The following NCAM2 variants were observed in gnomAD, a reference collection of about 807,000 sequenced individuals.
NCAM2 encodes N-CAM-2.
Under a neutral mutation model 98.1 loss-of-function variants are expected in NCAM2, and 30 were observed. The observed-to-expected ratio is 0.31, with a 90% CI of 0.23 to 0.41. The LOEUF (loss-of-function observed/expected upper bound fraction) is 0.41, where lower values mean the gene tolerates loss of function less well. NCAM2 is among the 10% of genes least tolerant of loss of function. NCAM2 has a pLI of 1.00. For missense variants in NCAM2, 867 were observed against 1,005.8 expected (o/e 0.86, Z 1.87); for synonymous variants, 368 against 342.4 (o/e 1.07, Z -0.83).
chr21:21,290,768 T>G (rs2073260896), intron 4 of NCAM2, among the ~76,000 whole-genome samples: 1 of 151,740 alleles, frequency 6.6e-6, no homozygotes, highest in Non-Finnish European at 1.5e-5. Context: ...CCCTGATGAC[T>G]CTTCTATTTG....
At chr21:21,189,478 C>T (rs1351196221) in intron 1 of NCAM2, among the ~76,000 whole-genome samples, 2 of 152,070 alleles carry the variant, frequency 1.3e-5, no homozygotes, top group Non-Finnish European at 2.9e-5. Context: ...GTAATCCTAG[C>T]ACTTTGGGAG....
chr21:21,448,741 TCTGA>T (rs768620646), intron 12 of NCAM2, among the ~76,000 whole-genome samples: 24 of 152,042 alleles, frequency 1.6e-4, no homozygotes, highest in Non-Finnish European at 3.5e-4. Flanking sequence ...ATAAAATTCA[TCTGA>T]CTATGTTAAA....
At chr21:21,037,124 G>A (rs8133724) in intron 1 of NCAM2, among the ~76,000 whole-genome samples, 145,868 of 152,224 alleles carry the variant, frequency 0.96, 70,206 homozygotes, top group East Asian at 1. Context: ...TGGACTTCCC[G>A]GGCTCAATGA....
chr21:21,257,827 C>T (rs1046919254), intron 1 of NCAM2, among the ~76,000 whole-genome samples: 7 of 152,130 alleles, frequency 4.6e-5, no homozygotes, highest in Non-Finnish European at 7.4e-5. Flanking sequence ...GTGATCTGCC[C>T]GCCTCGGGCT....
chr21:21,486,279 G>A (rs1986364099), intron 15 of NCAM2, among the ~76,000 whole-genome samples: 2 of 134,560 alleles, frequency 1.5e-5, no homozygotes, highest in Non-Finnish European at 3.0e-5. Context: ...ACTCCAGCCT[G>A]GGCAACAGAG....
intron 9 of NCAM2, among the ~76,000 whole-genome samples, chr21:21,394,262 A>G (rs2076447442): frequency 6.6e-6 from 1 of 152,146 alleles, no homozygotes; most frequent in South Asian, 2.1e-4. Context: ...TTTTCTACAT[A>G]TGACAGAACA....
chr21:21,289,347 A>G (rs2073209755), intron 4 of NCAM2, among the ~76,000 whole-genome samples: 2 of 151,980 alleles, frequency 1.3e-5, no homozygotes, highest in South Asian at 4.1e-4. Flanking sequence ...ATAAATAGGT[A>G]AATCAGTGTG....
At chr21:21,524,779 TA>T (rs1262485769) in intron 16 of NCAM2, among the ~76,000 whole-genome samples, 2 of 152,100 alleles carry the variant, frequency 1.3e-5, no homozygotes, top group Non-Finnish European at 2.9e-5. Flanking sequence ...TGACACACTT[TA>T]AAACATTTTA....
chr21:20,998,951 TAAC>T (rs2063970020), intron 1 of NCAM2, among the ~76,000 whole-genome samples: 1 of 152,136 alleles, frequency 6.6e-6, no homozygotes, highest in South Asian at 2.1e-4. Context: ...ATGAGTGTGT[TAAC>T]AGTGAAATAT....
chr21:21,465,580 A>G (rs1393714863), intron 12 of NCAM2, among the ~76,000 whole-genome samples: 2 of 151,864 alleles, frequency 1.3e-5, no homozygotes, highest in Non-Finnish European at 2.9e-5. Flanking sequence ...AATATTAATA[A>G]ATTATATTAC....
At chr21:21,114,765 C>A (rs1344833811) in intron 1 of NCAM2, among the ~76,000 whole-genome samples, 1 of 152,120 alleles carries the variant, frequency 6.6e-6, no homozygotes, top group Non-Finnish European at 1.5e-5. Flanking sequence ...ATGAGTAATT[C>A]TGCTTTTATT....
intron 1 of NCAM2, chr21:21,226,847 G>A (rs1016215761): frequency 6.6e-6 from 1 of 152,042 alleles, no homozygotes; most frequent in East Asian, 1.9e-4. Context: ...CAACACAAGG[G>A]TACTTTAACA....
intron 1 of NCAM2, among the ~76,000 whole-genome samples, chr21:21,033,973 A>G (rs2064745127): frequency 6.6e-6 from 1 of 151,292 alleles, no homozygotes; most frequent in Non-Finnish European, 1.5e-5. Context: ...CTTTATTTTC[A>G]GGAAGTTTTA....
At chr21:21,439,461 T>C (rs7283430) in intron 12 of NCAM2, among the ~76,000 whole-genome samples, 43,678 of 152,092 alleles carry the variant, frequency 0.29, 6,314 homozygotes, top group African/African-American at 0.31. Flanking sequence ...GTTTTTATTT[T>C]AATAGAAATC....
In NCAM2 at chr21:21,219,748, T is replaced by A. The variant is rs145792582; in HGVS notation, c.56-60830T>A. 7.9e-5 allele frequency among the ~76,000 whole-genome samples: 12 copies of A among 152,320 alleles called. No individual in the cohort carries two copies. In the East Asian group the frequency reaches 2.3e-3, roughly 29 times the overall value. On this transcript the variant is annotated intron_variant, in intron 1 of 17. Coordinates refer to ENST00000400546, the MANE Select transcript of NCAM2 (RefSeq NM_004540.5). ...TGTAAAACAGCCTCATGCTGGTCTTTCAGGAGGTATTTCAGATGGCAGTTA... is the reference window on the plus strand; with the variant it reads ...TGTAAAACAGCCTCATGCTGGTCTTACAGGAGGTATTTCAGATGGCAGTTA...
At chr21:21,172,464 C>A (rs779475775) in intron 1 of NCAM2, among the ~76,000 whole-genome samples, 1 of 151,990 alleles carries the variant, frequency 6.6e-6, no homozygotes, top group Admixed American at 6.6e-5. Flanking sequence ...CTGAAAAGTT[C>A]TGTAAAATGA....
intron 1 of NCAM2, among the ~76,000 whole-genome samples, chr21:21,159,775 A>G (rs1201249859): frequency 6.6e-6 from 1 of 151,754 alleles, no homozygotes; most frequent in Non-Finnish European, 1.5e-5. Context: ...CTCTGTATAT[A>G]TATGTTTTTG....
chr21:21,374,863 A>G lies in NCAM2; in HGVS notation c.1195+850A>G, dbSNP rs779584299. 8.7e-4 allele frequency among the ~76,000 whole-genome samples: 132 copies of G among 151,906 alleles called. 1 individual carries two copies. The highest frequency in any genetic ancestry group is 8.6e-4 in the Admixed American group (13 of 15,154). ...CAATGGTAACTGTGAAACAAGATGC[A>G]TTCTCTTATCGAGAATGCCTTCAAA... is the stretch of plus-strand genomic sequence containing the variant. On this transcript the variant is annotated intron_variant, in intron 9 of 17. Transcript: ENST00000400546.
At chr21:21,199,553 G>A (rs962972075) in intron 1 of NCAM2, among the ~76,000 whole-genome samples, 3 of 152,228 alleles carry the variant, frequency 2.0e-5, no homozygotes, top group South Asian at 2.1e-4. Flanking sequence ...TCTAAAGAGC[G>A]TCTTCCTGTG....
Sources: allele counts gnomAD v4.1 joint callset (sites outside exome capture counted in the v4.1 genomes callset), GRCh38; gene constraint gnomAD v4.1.1; transcripts MANE v1.5; gene names NCBI Gene and HGNC (gene_info 2026-07-23, HGNC 2026-07-21).